Variants in SIRT1 observed in about 807,000 individuals in gnomAD.
SIRT1 encodes the protein NAD-dependent protein deacetylase sirtuin-1.
In SIRT1, 24 loss-of-function variants were observed where a neutral mutation model predicts 67.9. That is an observed-to-expected ratio of 0.35 (90% CI 0.26 to 0.50). The LOEUF is 0.50. Ranked by LOEUF, SIRT1 falls within the 20% of genes least tolerant of loss-of-function variation. The pLI is 0.98. For synonymous variants in SIRT1, 378 were observed against 350.7 expected (o/e 1.08, Z -0.87); for missense variants, 873 against 937.2 (o/e 0.93, Z 0.89).
intron 4 of SIRT1, among the ~76,000 whole-genome samples, chr10:67,904,437 T>G (rs1163567654): frequency 2.0e-5 from 3 of 152,096 alleles, no homozygotes; most frequent in African/African-American, 7.2e-5. Context: ...ACACCTGTAC[T>G]ACTACTTTTA....
chr10:67,890,663 G>A lies in SIRT1; in HGVS notation c.790-739G>A, dbSNP rs568104580. 1.8e-3 allele frequency among the ~76,000 whole-genome samples: 271 copies of A among 152,058 alleles called. 1 individual carries two copies. Among genetic ancestry groups the A allele is most frequent in the Non-Finnish European group, 1.5e-3 (104 of 67,990 alleles). On this transcript the variant is annotated intron_variant, in intron 3 of 8. Transcript: ENST00000212015. ...TGGGAGGATTGCTTGAGCCGGAAAGGTTAAGGCCATAATGAGCCATGATGG... is the reference window on the plus strand; with the variant it reads ...TGGGAGGATTGCTTGAGCCGGAAAGATTAAGGCCATAATGAGCCATGATGG...
chr10:67,915,839 C>T (rs962053750), intron 8 of SIRT1, among the ~76,000 whole-genome samples: 2 of 152,006 alleles, frequency 1.3e-5, no homozygotes, highest in Non-Finnish European at 2.9e-5. Context: ...ATATGGTTTT[C>T]TACATTTTTC....
At chr10:67,908,629 T>A (rs1292704861) in intron 6 of SIRT1, among the ~76,000 whole-genome samples, 2 of 152,102 alleles carry the variant, frequency 1.3e-5, no homozygotes, top group Non-Finnish European at 2.9e-5. Flanking sequence ...ATTGGTCGGG[T>A]GCAGTGGCTC....
chr10:67,912,432 C>A (rs1024769874), intron 7 of SIRT1, 42 bp from the exon 8 acceptor site: 1 of 1,511,584 alleles, frequency 6.6e-7, no homozygotes, highest in East Asian at 2.3e-5. Context: ...TAGCTTACTT[C>A]CTCCTCCCTT....
chr10:67,893,919 A>G (rs1842613568), intron 4 of SIRT1, among the ~76,000 whole-genome samples: 1 of 152,238 alleles, frequency 6.6e-6, no homozygotes, highest in African/African-American at 2.4e-5. Flanking sequence ...TTACATGACT[A>G]CAGGAGAAGC....
rs115465693 is a variant in SIRT1, at chr10:67,899,412, A to G, written c.943-7378A>G. ...TCTTTCAAAAATCATATATCTATAT[A>G]TAGTTTGCCCCTTCCTTCAGTCTTT... is the stretch of plus-strand genomic sequence containing the variant. On this transcript the variant is annotated intron_variant, in intron 4 of 8. Coordinates refer to ENST00000212015, the MANE Select transcript of SIRT1 (RefSeq NM_012238.5). Among the ~76,000 whole-genome samples the G allele has an allele frequency of 6.1e-3, 922 of 151,958 alleles. 13 individuals carry two copies. Among genetic ancestry groups the G allele is most frequent in the African/African-American group, 0.021 (858 of 41,440 alleles).
chr10:67,889,766 G>T (rs1213335474), intron 3 of SIRT1, among the ~76,000 whole-genome samples: 1 of 152,152 alleles, frequency 6.6e-6, no homozygotes, highest in African/African-American at 2.4e-5. Flanking sequence ...CATAATCTTA[G>T]ATGATCATCA....
intron 4 of SIRT1, among the ~76,000 whole-genome samples, chr10:67,905,414 T>A (rs1194095988): frequency 6.6e-6 from 1 of 152,240 alleles, no homozygotes; most frequent in East Asian, 1.9e-4. Context: ...ATGAAATTTG[T>A]GATAAATATT....
intron 8 of SIRT1, among the ~76,000 whole-genome samples, chr10:67,914,359 G>A (rs982051969): frequency 6.6e-6 from 1 of 151,952 alleles, no homozygotes; most frequent in African/African-American, 2.4e-5. Context: ...CGTGAGCCAC[G>A]GCGCCCAGCC....
intron 4 of SIRT1, among the ~76,000 whole-genome samples, chr10:67,899,812 C>T (rs1432188009): frequency 6.6e-6 from 1 of 151,906 alleles, no homozygotes; most frequent in African/African-American, 2.4e-5. Flanking sequence ...AGGCCAGGTG[C>T]GGTGGCTCAC....
chr10:67,916,783 A>G lies in SIRT1; in HGVS notation c.*190A>G. On this transcript the variant is annotated 3_prime_UTR_variant, in exon 9 of 9. Coordinates refer to ENST00000212015, the MANE Select transcript of SIRT1 (RefSeq NM_012238.5). ...TTATTTCTGTACTTGTACAAACTCA[A>G]CACTAACTTTTTTTTTTTTAAAAAA... is the stretch of plus-strand genomic sequence containing the variant. 2.5e-6 allele frequency: 1 copy of G among 397,586 alleles called. No homozygotes were observed. The allele number at this position is 397,586 out of a possible 1,614,324, so 24.6% of individuals were successfully genotyped here.
intron 4 of SIRT1, among the ~76,000 whole-genome samples, chr10:67,904,844 CAAAA>C (rs34104914): frequency 0.62 from 78,271 of 127,246 alleles, 22,244 homozygotes; most frequent in Non-Finnish European, 0.7. Flanking sequence ...AACTCTGTCT[CAAAA>C]AAAAAAAAAA....
rs1005601641 is a variant in SIRT1, at chr10:67,916,902, AT to A, written c.*317del. The A allele has an allele frequency of 4.5e-5, 8 of 178,132 alleles. No individual in the cohort carries two copies. Among genetic ancestry groups the A allele is most frequent in the Middle Eastern group, 2.1e-3 (1 of 470 alleles). The allele number at this position is 178,132 out of a possible 1,614,324, so 11.0% of individuals were successfully genotyped here. A position where few individuals can be genotyped will look rare whatever the true frequency, so the allele number is the denominator to read the frequency against. On this transcript the variant is annotated 3_prime_UTR_variant, in exon 9 of 9. Transcript: ENST00000212015. ...TGATAAATTCATATGTGTATATATA[AT>A]TTTTTTTGTTTTGTCTAGTGAGTTT...
chr10:67,891,996 A>T (rs1842581278), intron 4 of SIRT1, among the ~76,000 whole-genome samples: 1 of 152,158 alleles, frequency 6.6e-6, no homozygotes, highest in African/African-American at 2.4e-5. Context: ...CTTGGGTTGC[A>T]TTTTTGTCAG....
rs200484021 is a variant in SIRT1 at position 67,917,000 on chromosome 10, A to C, written c.*407A>C. The C allele has an allele frequency of 6.5e-6, 1 of 153,462 alleles. No homozygotes were observed. The allele number at this position is 153,462 out of a possible 1,614,324, so 9.5% of individuals were successfully genotyped here. On this transcript the variant is annotated 3_prime_UTR_variant, in exon 9 of 9. Coordinates refer to ENST00000212015, the MANE Select transcript of SIRT1 (RefSeq NM_012238.5). ...GTAAAGGGAACAGCTAATCTAGACC[A>C]AAGAATGGTATTTTCACTTTTCTTT...
chr10:67,912,410 T>C, intron 7 of SIRT1, 64 bp from the exon 8 acceptor site: 1 of 1,405,798 alleles, frequency 7.1e-7, no homozygotes, highest in South Asian at 1.4e-5. Context: ...AATGTATCTG[T>C]TGTGGTTTTA....
intron 4 of SIRT1, among the ~76,000 whole-genome samples, chr10:67,905,409 A>G (rs1589080005): frequency 6.6e-6 from 1 of 152,224 alleles, no homozygotes. Context: ...TATTCATGAA[A>G]TTTGTGATAA....
At chr10:67,901,679 TG>T (rs1842747210) in intron 4 of SIRT1, among the ~76,000 whole-genome samples, 1 of 152,276 alleles carries the variant, frequency 6.6e-6, no homozygotes, top group Non-Finnish European at 1.5e-5. Flanking sequence ...ATTTATTAAG[TG>T]GCGACTGGCA....
intron 3 of SIRT1, among the ~76,000 whole-genome samples, chr10:67,890,130 A>G (rs968907255): frequency 6.6e-6 from 1 of 152,012 alleles, no homozygotes; most frequent in African/African-American, 2.4e-5. Context: ...ATCTTGGCTC[A>G]CTGCAACCTC....
Sources: gnomAD v4.1 joint callset for allele counts (sites outside exome capture counted in the v4.1 genomes callset) on GRCh38, gnomAD v4.1.1 for gene constraint, MANE v1.5 for transcripts, NCBI Gene and HGNC (gene_info 2026-07-23, HGNC 2026-07-21) for gene names.